Variants in PTBP2 observed in about 807,000 individuals in gnomAD.
The protein encoded by PTBP2 is polypyrimidine tract-binding protein 2.
In PTBP2, 13 loss-of-function variants were observed where a neutral mutation model predicts 61.4. The observed-to-expected ratio is 0.21, with a 90% CI of 0.14 to 0.34. PTBP2 has a LOEUF of 0.34. Among genes scored for constraint, PTBP2 ranks in the 10% least tolerant of loss-of-function variants. The probability of loss-of-function intolerance (pLI) is 1.00; values close to 1 mark genes in which losing one functional copy is unlikely to be tolerated. For missense variants in PTBP2, 405 were observed against 642.6 expected (o/e 0.63, Z 4.00); for synonymous variants, 215 against 218.5 (o/e 0.98, Z 0.14).
chr1:96,783,766 C>T (rs542651866), intron 7 of PTBP2, among the ~76,000 whole-genome samples: 3 of 152,180 alleles, frequency 2.0e-5, no homozygotes, highest in Non-Finnish European at 4.4e-5. Context: ...TTCACCTTTA[C>T]ACCAGGGTAT....
At chr1:96,747,776 C>A (rs895249428) in intron 2 of PTBP2, among the ~76,000 whole-genome samples, 1 of 151,950 alleles carries the variant, frequency 6.6e-6, no homozygotes, top group African/African-American at 2.4e-5. Context: ...CATATTGTTG[C>A]TTCACTGATC....
exon 14 of PTBP2, chr1:96,821,608 T>G (rs1209053329): frequency 1.3e-5 from 2 of 149,626 alleles, no homozygotes; most frequent in East Asian, 1.9e-4. Context: ...CCACATAAAT[T>G]GCTAACATTT....
chr1:96,817,918 T>A (rs1461053690), downstream of PTBP2: 1 of 151,984 alleles, frequency 6.6e-6, no homozygotes, highest in Non-Finnish European at 1.5e-5. Flanking sequence ...ACAGACTGTT[T>A]GGACATTGAT....
intron 2 of PTBP2, among the ~76,000 whole-genome samples, chr1:96,737,431 A>AG (rs1348281572): frequency 6.6e-6 from 1 of 152,008 alleles, no homozygotes; most frequent in African/African-American, 2.4e-5. Context: ...ATAATTGGGG[A>AG]GGGGGGTTGA....
intron 11 of PTBP2, among the ~76,000 whole-genome samples, chr1:96,810,642 G>C (rs551158895): frequency 4.6e-5 from 7 of 152,190 alleles, no homozygotes; most frequent in African/African-American, 1.7e-4. Flanking sequence ...AAGCTCTGCT[G>C]TTTGTGCTGT....
At chr1:96,821,291 G>T (rs1163894757) in exon 14 of PTBP2, 1 of 152,068 alleles carries the variant, frequency 6.6e-6, no homozygotes, top group Non-Finnish European at 1.5e-5. Flanking sequence ...GAATAACACA[G>T]TGTATATATG....
At chr1:96,787,816 A>G (rs558359159) in intron 8 of PTBP2, among the ~76,000 whole-genome samples, 2 of 152,314 alleles carry the variant, frequency 1.3e-5, no homozygotes, top group East Asian at 3.9e-4. Context: ...GTTCATGGGT[A>G]TGCCATACCT....
At chr1:96,735,451 A>G (rs1652038479) in intron 2 of PTBP2, among the ~76,000 whole-genome samples, 1 of 152,174 alleles carries the variant, frequency 6.6e-6, no homozygotes, top group Non-Finnish European at 1.5e-5. Context: ...ACATTTTTAA[A>G]TGGTTTCAGT....
At chr1:96,739,306 CA>C (rs555698385) in intron 2 of PTBP2, among the ~76,000 whole-genome samples, 11 of 151,858 alleles carry the variant, frequency 7.2e-5, no homozygotes, top group African/African-American at 2.2e-4. Flanking sequence ...TTTAATTGTA[CA>C]AAAAAACACA....
intron 2 of PTBP2, among the ~76,000 whole-genome samples, chr1:96,747,075 T>C: frequency 6.6e-6 from 1 of 151,534 alleles, no homozygotes; most frequent in Middle Eastern, 3.2e-3. Flanking sequence ...AGATTTACAA[T>C]CCTTTCTCCC....
chr1:96,735,328 T>C (rs1652023801), intron 2 of PTBP2, among the ~76,000 whole-genome samples: 1 of 152,210 alleles, frequency 6.6e-6, no homozygotes, highest in South Asian at 2.1e-4. Context: ...AAGTTGGAAC[T>C]ATTGATGGTG....
chr1:96,742,662 CTTT>C (rs373120041), intron 2 of PTBP2, among the ~76,000 whole-genome samples: 7 of 120,020 alleles, frequency 5.8e-5, no homozygotes, highest in Non-Finnish European at 1.3e-4. Flanking sequence ...ATAGCTTTGG[CTTT>C]TTTTTTTTTT....
At chr1:96,804,220 T>G (rs1466771118) in intron 8 of PTBP2, among the ~76,000 whole-genome samples, 1 of 152,184 alleles carries the variant, frequency 6.6e-6, no homozygotes, top group Non-Finnish European at 1.5e-5. Context: ...TTTTAATTAC[T>G]TGAGTGTATA....
chr1:96,813,246 G>C, intron 13 of PTBP2, 30 bp from the exon 14 acceptor site: 1 of 1,576,914 alleles, frequency 6.3e-7, no homozygotes, highest in Non-Finnish European at 8.6e-7. Context: ...TTTGTATGAA[G>C]TGTCTAATTT....
chr1:96,737,792 C>T (rs1179994273), intron 2 of PTBP2, among the ~76,000 whole-genome samples: 1 of 152,172 alleles, frequency 6.6e-6, no homozygotes, highest in African/African-American at 2.4e-5. Context: ...AAAATTGAAC[C>T]TGCTTTCTCC....
intron 2 of PTBP2, among the ~76,000 whole-genome samples, chr1:96,735,681 C>CA (rs1354588386): frequency 6.6e-6 from 1 of 150,708 alleles, no homozygotes; most frequent in Non-Finnish European, 1.5e-5. Context: ...TATTAGTGAA[C>CA]AAAAAAATAA....
exon 14 of PTBP2, chr1:96,821,155 GT>G (rs1170017760): frequency 1.3e-5 from 2 of 152,104 alleles, no homozygotes; most frequent in Non-Finnish European, 2.9e-5. Flanking sequence ...GAAATATGCT[GT>G]AGAAATACAG....
At chr1:96,819,656 T>G (rs1316690836), downstream of PTBP2, 15 of 86,832 alleles carry the variant, frequency 1.7e-4, no homozygotes, top group African/African-American at 5.7e-4. Context: ...TCTGGTTCAC[T>G]TTAAAACCTC....
At chr1:96,810,685 G>A (rs1258437291) in intron 11 of PTBP2, among the ~76,000 whole-genome samples, 6 of 151,984 alleles carry the variant, frequency 3.9e-5, no homozygotes, top group Non-Finnish European at 7.4e-5. Flanking sequence ...TTCTGACAAC[G>A]TTAAGTCTAC....
Sources: allele counts gnomAD v4.1 joint callset (sites outside exome capture counted in the v4.1 genomes callset), GRCh38; gene constraint gnomAD v4.1.1; transcripts MANE v1.5; gene names NCBI Gene and HGNC (gene_info 2026-07-23, HGNC 2026-07-21).